The following CACNG5 variants were observed in gnomAD, a reference collection of about 807,000 sequenced individuals.
CACNG5 encodes the protein calcium voltage-gated channel auxiliary subunit gamma 5.
Under a neutral mutation model 24.8 loss-of-function variants are expected in CACNG5, and 18 were observed. That is an observed-to-expected ratio of 0.73 (90% confidence interval 0.50 to 1.08). The LOEUF (loss-of-function observed/expected upper bound fraction) is 1.08, where lower values mean the gene tolerates loss of function less well. Among genes scored for constraint, CACNG5 ranks in the 50% least tolerant of loss-of-function variants. CACNG5 has a pLI of 0.00. For missense variants in CACNG5, 349 were observed against 367.9 expected (o/e 0.95, Z 0.42); for synonymous variants, 157 against 149.1 (o/e 1.05, Z -0.39).
intron 1 of CACNG5, among the ~76,000 whole-genome samples, chr17:66,852,007 C>T (rs973849864): frequency 5.9e-5 from 9 of 152,160 alleles, no homozygotes; most frequent in African/African-American, 1.4e-4. Flanking sequence ...TGAGTTGGAT[C>T]GAGTAGGAAA....
intron 1 of CACNG5, among the ~76,000 whole-genome samples, chr17:66,862,760 A>G (rs1052347006): frequency 2.7e-5 from 4 of 149,488 alleles, no homozygotes; most frequent in African/African-American, 9.9e-5. Flanking sequence ...ATTCATAGCT[A>G]TGGAATTACT....
chr17:66,861,045 A>ACACC (rs1436783089), intron 1 of CACNG5, among the ~76,000 whole-genome samples: 31 of 152,190 alleles, frequency 2.0e-4, no homozygotes, highest in African/African-American at 7.0e-4. Context: ...ACACACACAC[A>ACACC]CCAGAAGTAT....
chr17:66,854,387 C>T (rs1248822446), intron 1 of CACNG5, among the ~76,000 whole-genome samples: 12 of 150,174 alleles, frequency 8.0e-5, no homozygotes, highest in Non-Finnish European at 1.8e-4. Flanking sequence ...GATCGCGCCA[C>T]TGCACTCCAG....
rs1977255865 is a variant in CACNG5 at position 66,886,089 on chromosome 17, A to G, written c.*849A>G. ...CGGGCTGGTCTGAGTTCCTATTACC[A>G]GACACTGTTTCTGGTCCTGGGGATA... On this transcript the variant is annotated 3_prime_UTR_variant, in exon 6 of 6. Transcript: ENST00000533854. Among the ~76,000 whole-genome samples, 1 of 152,218 alleles carries G rather than the reference A, an allele frequency of 6.6e-6. No homozygotes were observed. The highest frequency in any genetic ancestry group is 6.5e-5 in the Admixed American group (1 of 15,284).
chr17:66,841,629 G>A (rs1976569571), intron 1 of CACNG5, among the ~76,000 whole-genome samples: 1 of 152,164 alleles, frequency 6.6e-6, no homozygotes, highest in African/African-American at 2.4e-5. Flanking sequence ...AATCTTCTCA[G>A]GGGGCTGCCA....
intron 1 of CACNG5, among the ~76,000 whole-genome samples, chr17:66,841,201 T>C (rs1172582781): frequency 1.3e-5 from 2 of 152,154 alleles, no homozygotes; most frequent in East Asian, 3.9e-4. Context: ...CAGGACAAAT[T>C]GGAGCATGGA....
At chr17:66,878,399 T>G (rs1977113825) in intron 2 of CACNG5, among the ~76,000 whole-genome samples, 1 of 152,222 alleles carries the variant, frequency 6.6e-6, no homozygotes, top group Non-Finnish European at 1.5e-5. Flanking sequence ...CTTTGGGGGA[T>G]GGAGTGGGTA....
intron 1 of CACNG5, among the ~76,000 whole-genome samples, chr17:66,847,257 G>A (rs1976649275): frequency 6.6e-6 from 1 of 152,194 alleles, no homozygotes; most frequent in Admixed American, 6.5e-5. Context: ...CCCCACTCAT[G>A]GGCAGTAAGT....
intron 2 of CACNG5, among the ~76,000 whole-genome samples, chr17:66,877,852 T>G (rs1315565204): frequency 6.6e-6 from 1 of 152,252 alleles, no homozygotes; most frequent in Non-Finnish European, 1.5e-5. Context: ...TCATGCATGC[T>G]TTAGCTCATT....
chr17:66,884,483 C>T (rs768824215), intron 4 of CACNG5, 33 bp from the exon 5 acceptor site: 24 of 1,576,098 alleles, frequency 1.5e-5, no homozygotes, highest in South Asian at 2.4e-5. Context: ...GGCCTCTGGG[C>T]TGAGCATCCC....
intron 4 of CACNG5, among the ~76,000 whole-genome samples, chr17:66,881,235 C>A (rs1182485330): frequency 6.6e-6 from 1 of 152,232 alleles, no homozygotes; most frequent in Non-Finnish European, 1.5e-5. Context: ...TCCCCTCTGA[C>A]AAATCTGGGA....
intron 1 of CACNG5, among the ~76,000 whole-genome samples, chr17:66,861,362 T>C (rs1976855609): frequency 6.6e-6 from 1 of 152,254 alleles, no homozygotes; most frequent in Non-Finnish European, 1.5e-5. Flanking sequence ...TTTAAGCTTG[T>C]TACATGTGTT....
At chr17:66,876,695 T>C (rs934845908) in intron 1 of CACNG5, among the ~76,000 whole-genome samples, 2 of 152,194 alleles carry the variant, frequency 1.3e-5, no homozygotes, top group African/African-American at 2.4e-5. Flanking sequence ...TCCCTGCCTC[T>C]CTACTCCTTC....
intron 1 of CACNG5, among the ~76,000 whole-genome samples, chr17:66,867,058 A>G (rs1271018456): frequency 2.0e-5 from 3 of 152,190 alleles, no homozygotes; most frequent in Non-Finnish European, 4.4e-5. Flanking sequence ...GTCTTCCAAA[A>G]TGGTTGAACT....
rs1278481143 is a variant in CACNG5 at position 66,876,048 on chromosome 17, C to G, written c.-103-1182C>G. Among the ~76,000 whole-genome samples, 4 of 152,234 alleles carry G rather than the reference C, an allele frequency of 2.6e-5. No homozygotes were observed. The East Asian group carries it at 7.7e-4, about 29-fold the overall frequency. On this transcript the variant is annotated intron_variant, in intron 1 of 5. Coordinates refer to ENST00000533854, the MANE Select transcript of CACNG5 (RefSeq NM_145811.3). ...CTCAGATTTTAGTAGGCAGACAACT[C>G]ACCGGGATCCTGTTAAAATGCAGAT...
intron 1 of CACNG5, among the ~76,000 whole-genome samples, chr17:66,846,249 T>C (rs980097925): frequency 2.0e-5 from 3 of 152,198 alleles, no homozygotes; most frequent in Non-Finnish European, 4.4e-5. Context: ...GCACAATACA[T>C]ATAACATAAA....
At chr17:66,873,896 G>A (rs1977042842) in intron 1 of CACNG5, among the ~76,000 whole-genome samples, 1 of 150,384 alleles carries the variant, frequency 6.6e-6, no homozygotes, top group African/African-American at 2.4e-5. Flanking sequence ...AATGTGCAAT[G>A]CGGTTCTTCA....
In CACNG5 at chr17:66,886,142, G is replaced by A. The variant is rs9906051; in HGVS notation, c.*902G>A. Among the ~76,000 whole-genome samples the A allele has an allele frequency of 0.012, 1,880 of 152,234 alleles. 31 individuals carry two copies. The highest frequency in any genetic ancestry group is 0.043 in the African/African-American group (1,800 of 41,530). On this transcript the variant is annotated 3_prime_UTR_variant, in exon 6 of 6. Coordinates refer to ENST00000533854, the MANE Select transcript of CACNG5 (RefSeq NM_145811.3). Reference sequence around the variant, plus strand: ...GTCCCCTTACAAGGGTAATATTTCCGGACCAAGGCCCTAAGATGGAATCTT... The same window carrying A: ...GTCCCCTTACAAGGGTAATATTTCCAGACCAAGGCCCTAAGATGGAATCTT...
chr17:66,872,080 T>TTTG (rs1977015730), intron 1 of CACNG5, among the ~76,000 whole-genome samples: 2 of 152,208 alleles, frequency 1.3e-5, no homozygotes, highest in Non-Finnish European at 2.9e-5. Flanking sequence ...TTTGAGAAGC[T>TTTG]TTGTTGAGCA....
Sources: gnomAD v4.1 joint callset for allele counts (sites outside exome capture counted in the v4.1 genomes callset) on GRCh38, gnomAD v4.1.1 for gene constraint, MANE v1.5 for transcripts, NCBI Gene and HGNC (gene_info 2026-07-23, HGNC 2026-07-21) for gene names.